NR4A2: variants seen among roughly 807,000 people sequenced by gnomAD.
The protein encoded by NR4A2 is nuclear receptor subfamily 4 group A member 2.
Under a neutral mutation model 50.5 loss-of-function variants are expected in NR4A2, and 1 was observed. The observed-to-expected ratio is 0.02, with a 90% CI of 0.01 to 0.09. The LOEUF (loss-of-function observed/expected upper bound fraction) is 0.09, where lower values mean the gene tolerates loss of function less well. Among genes scored for constraint, NR4A2 ranks in the 10% least tolerant of loss-of-function variants. NR4A2 has a pLI of 1.00. For synonymous variants in NR4A2, 328 were observed against 309.4 expected (o/e 1.06, Z -0.63); for missense variants, 613 against 777.3 (o/e 0.79, Z 2.51).
chr2:156,328,762 C>T lies in NR4A2; in HGVS notation c.865-229G>A, dbSNP rs552104132. Among the ~76,000 whole-genome samples, 1 of 152,230 alleles carries T rather than the reference C, an allele frequency of 6.6e-6. No individual in the cohort carries two copies. Among genetic ancestry groups the T allele is most frequent in the East Asian group, 1.9e-4 (1 of 5,174 alleles). On this transcript the variant is annotated intron_variant, in intron 3 of 7. Coordinates refer to ENST00000339562, the MANE Select transcript of NR4A2 (RefSeq NM_006186.4). The surrounding 1 kb of genome is among the most constrained non-coding windows in gnomAD (Gnocchi z 4.9). ...TTGATAGCGTTAACATTTGAGCTAA[C>T]CTTGCCGCTCCTTGCTGTGTTTTAT...
Position 156,326,429 on chromosome 2 carries a change from C to T in NR4A2, c.1362-101G>A, listed in dbSNP as rs572978565. On this transcript the variant is annotated intron_variant, in intron 6 of 7. Coordinates refer to ENST00000339562, the MANE Select transcript of NR4A2 (RefSeq NM_006186.4). This position sits in a 1 kb window ranked among gnomAD's most constrained non-coding sequence, Gnocchi z 4.2. ...AATAAATGAGGGATTTAAGAGTCAC[C>T]TAATTACTGAAGAGTTAATAAAATG... 9 of 1,123,194 alleles carry T rather than the reference C, an allele frequency of 8.0e-6. No individual in the cohort carries two copies. The East Asian group carries it at 2.2e-4, about 27-fold the overall frequency. The allele number at this position is 1,123,194 out of a possible 1,614,324, so 69.6% of individuals were successfully genotyped here. A position where few individuals can be genotyped will look rare whatever the true frequency, so the allele number is the denominator to read the frequency against.
chr2:156,326,053 G>T lies in NR4A2; in HGVS notation c.1541-53C>A, dbSNP rs1040976510. 4 of 1,613,816 alleles carry T rather than the reference G, an allele frequency of 2.5e-6. No individual in the cohort carries two copies. Among genetic ancestry groups the T allele is most frequent in the Non-Finnish European group, 3.4e-6 (4 of 1,179,838 alleles). On this transcript the variant is annotated intron_variant, in intron 7 of 7. Coordinates refer to ENST00000339562, the MANE Select transcript of NR4A2 (RefSeq NM_006186.4). This position sits in a 1 kb window ranked among gnomAD's most constrained non-coding sequence, Gnocchi z 4.2. The stretch of plus-strand genomic sequence containing the variant: ...GAAGAATGTACAAGACAGTTAGCTA[G>T]TTGGCAAAACCAAGGAGAATCTGTG...
intron 1 of NR4A2, among the ~76,000 whole-genome samples, chr2:156,332,154 A>C (rs1046162927): frequency 2.0e-5 from 3 of 152,112 alleles, no homozygotes; most frequent in African/African-American, 7.2e-5. Context: ...GGCCACAATC[A>C]ATTCCTCACT....
intron 1 of NR4A2, among the ~76,000 whole-genome samples, chr2:156,331,488 T>C (rs1487952911): frequency 1.3e-5 from 2 of 152,184 alleles, no homozygotes; most frequent in East Asian, 1.9e-4. Context: ...AGGAGCTTCT[T>C]AGGTCAATTG....
intron 1 of NR4A2, chr2:156,331,845 A>T (rs1482140147): frequency 2.6e-5 from 4 of 152,356 alleles, no homozygotes; most frequent in African/African-American, 9.7e-5. Context: ...TGTGTTGGAT[A>T]TTAACCCCCT....
rs764433817 is a variant in NR4A2 at position 156,328,374 on chromosome 2, C to T, written c.994+30G>A. ...AGCAGTGGTTTCCTAAAGGCGCAAA[C>T]TGGAGGGTCGGCAGCTCCCCTCAGC... On this transcript the variant is annotated intron_variant, in intron 4 of 7. Transcript: ENST00000339562. The surrounding 1 kb of genome is among the most constrained non-coding windows in gnomAD (Gnocchi z 4.9). 3.7e-6 allele frequency: 6 copies of T among 1,613,946 alleles called. No individual in the cohort carries two copies. The highest frequency in any genetic ancestry group is 5.1e-6 in the Non-Finnish European group (6 of 1,179,958).
chr2:156,326,537 C>T lies in NR4A2; in HGVS notation c.1361+181G>A, dbSNP rs193105809. Among the ~76,000 whole-genome samples the T allele has an allele frequency of 3.3e-5, 5 of 152,326 alleles. No individual in the cohort carries two copies. The East Asian group carries it at 9.6e-4, about 29-fold the overall frequency. ...CCACCTCCATTCCATTCATCCAAGG[C>T]TTCTGGGCTCGCTTCTTCTCGTCTT... On this transcript the variant is annotated intron_variant, in intron 6 of 7. Transcript: ENST00000339562. The surrounding 1 kb of genome is among the most constrained non-coding windows in gnomAD (Gnocchi z 4.2).
At position 156,328,597 on chromosome 2, in the gene NR4A2, G is replaced by T. The variant is rs1686764695; in HGVS notation, c.865-64C>A. 1 of 1,607,892 alleles carries T rather than the reference G, an allele frequency of 6.2e-7. No individual in the cohort carries two copies. The highest frequency in any genetic ancestry group is 8.5e-7 in the Non-Finnish European group (1 of 1,175,508). On this transcript the variant is annotated intron_variant, in intron 3 of 7. Coordinates refer to ENST00000339562, the MANE Select transcript of NR4A2 (RefSeq NM_006186.4). The surrounding 1 kb of genome is among the most constrained non-coding windows in gnomAD (Gnocchi z 4.9). ...TCTTTTGAAAATCAGGCAACTCGGA[G>T]AAAATTTCTGTTATGTGACTGGGGT...
chr2:156,328,119 C>G lies in NR4A2; in HGVS notation c.995-105G>C, dbSNP rs902574234. ...CGCAGCCGCGGGGCACCAGGCTGAG[C>G]GGCTGAGGGCCCCAGTGCTTGTAAA... On this transcript the variant is annotated intron_variant, in intron 4 of 7. Transcript: ENST00000339562. The surrounding 1 kb of genome is among the most constrained non-coding windows in gnomAD (Gnocchi z 4.9). The G allele has an allele frequency of 1.1e-4, 152 of 1,441,512 alleles. No homozygotes were observed. The Admixed American group carries it at 1.5e-3, about 14-fold the overall frequency. 89.3% of individuals were successfully genotyped at this position (1,441,512 alleles called of 1,614,324 possible).
chr2:156,332,452 G>A (rs1686975478), intron 1 of NR4A2, 28 bp downstream of exon 1: 1 of 1,287,128 alleles, frequency 7.8e-7, no homozygotes. Context: ...ATAAAAGAAG[G>A]CGAACTGCAT....
At position 156,325,660 on chromosome 2, in the gene NR4A2, C is replaced by A. The variant is rs573934598; in HGVS notation, c.*84G>T. ...GCAGCTTGAGCTGAGACTGCTCACA[C>A]GGCTATCTCTGCCCATGTGACTTGC... On this transcript the variant is annotated 3_prime_UTR_variant, in exon 8 of 8. Coordinates refer to ENST00000339562, the MANE Select transcript of NR4A2 (RefSeq NM_006186.4). The A allele has an allele frequency of 1.0e-5, 16 of 1,541,564 alleles. No individual in the cohort carries two copies. In the South Asian group the frequency reaches 1.6e-4, roughly 15 times the overall value.
At chr2:156,330,594 G>A in intron 2 of NR4A2, 74 bp downstream of exon 2, 2 of 1,382,272 alleles carry the variant, frequency 1.4e-6, no homozygotes, top group Admixed American at 6.2e-5. Context: ...TTAAGTTACA[G>A]GGTTTGCCTT....
Position 156,329,650 on chromosome 2 carries a change from C to T in NR4A2, c.537G>A (p.Lys179=), listed in dbSNP as rs1318903658. The T allele has an allele frequency of 1.2e-6, 2 of 1,614,008 alleles. No individual in the cohort carries two copies. The highest frequency in any genetic ancestry group is 1.7e-6 in the Non-Finnish European group (2 of 1,179,974). Residue 179 remains lysine, a synonymous_variant, in exon 3 of 8, where the codon AAG becomes AAA. Transcript: ENST00000339562. The surrounding 1 kb of genome is among the most constrained non-coding windows in gnomAD (Gnocchi z 7.5). ...PVSRLSLFSF[K]QSPPGTPVSS... The stretch of plus-strand genomic sequence containing the variant: ...ACACCGGGGTGCCAGGGGGCGATTG[C>T]TTAAAGGAGAAGAGGGAGAGGCGGG...
chr2:156,329,918 A>C lies in NR4A2; in HGVS notation c.269T>G (p.Ile90Ser), dbSNP rs1217288556. Residue 90 changes from isoleucine to serine, a missense_variant, in exon 3 of 8, where the codon ATT becomes AGT. Physicochemically the swap from Ile to Ser is moderately radical, Grantham distance 142. Around this residue, in one of 4 missense-constraint regions of NR4A2, gnomAD observed 275 missense variants for 248.9 expected, o/e 1.10. Coordinates refer to ENST00000339562, the MANE Select transcript of NR4A2 (RefSeq NM_006186.4). The surrounding 1 kb of genome is among the most constrained non-coding windows in gnomAD (Gnocchi z 7.5). ...QMPLSGQQSS[I>S]KVEDIQMHNY... ...GTGCATCTGAATGTCTTCTACCTTA[A>C]TGGAGGACTGCTGTCCGGACAGGGG... 1 of 1,614,152 alleles carries C rather than the reference A, an allele frequency of 6.2e-7. No homozygotes were observed.
rs1053513001 is a variant in NR4A2 at position 156,332,571 on chromosome 2, G to A, written c.-218C>T. 20 of 1,174,654 alleles carry A rather than the reference G, an allele frequency of 1.7e-5. No individual in the cohort carries two copies. Among genetic ancestry groups the A allele is most frequent in the Non-Finnish European group, 2.3e-5 (20 of 885,336 alleles). The allele number at this position is 1,174,654 out of a possible 1,614,324, so 72.8% of individuals were successfully genotyped here. ...CGGGCGCCGGGGTCGGGTAGGGGTG[G>A]GAGAGCTGGGCGAAGGGAACCCGGA... On this transcript the variant is annotated 5_prime_UTR_variant, in exon 1 of 8. Coordinates refer to ENST00000339562, the MANE Select transcript of NR4A2 (RefSeq NM_006186.4).
rs1686950813 is a variant in NR4A2, at chr2:156,332,036, G to A, written c.-127+444C>T. 3 of 161,484 alleles carry A rather than the reference G, an allele frequency of 1.9e-5. No individual in the cohort carries two copies. In the South Asian group the frequency reaches 4.6e-4, roughly 25 times the overall value. The allele number at this position is 161,484 out of a possible 1,614,324, so 10.0% of individuals were successfully genotyped here. A position where few individuals can be genotyped will look rare whatever the true frequency, so the allele number is the denominator to read the frequency against. ...GGGAAACATCGCGCGCTGGCCAGCC[G>A]CGGAGACACAGTTCCCAAGCAACGC... On this transcript the variant is annotated intron_variant, in intron 1 of 7. Coordinates refer to ENST00000339562, the MANE Select transcript of NR4A2 (RefSeq NM_006186.4).
chr2:156,328,637 CACAA>C lies in NR4A2; in HGVS notation c.865-108_865-105del, dbSNP rs776990744. The C allele has an allele frequency of 7.8e-4, 998 of 1,278,868 alleles. 2 individuals carry two copies. Among genetic ancestry groups the C allele is most frequent in the Non-Finnish European group, 9.7e-4 (852 of 880,430 alleles). 79.2% of individuals were successfully genotyped at this position (1,278,868 alleles called of 1,614,324 possible). Reference sequence around the variant, plus strand: ...GTGACTGGGGTCTACGATTCCTCCCCACAAACAAACACATACACACAATTCCATT... The same window carrying C: ...GTGACTGGGGTCTACGATTCCTCCCCACAAACACATACACACAATTCCATT... On this transcript the variant is annotated intron_variant, in intron 3 of 7. Coordinates refer to ENST00000339562, the MANE Select transcript of NR4A2 (RefSeq NM_006186.4). This position sits in a 1 kb window ranked among gnomAD's most constrained non-coding sequence, Gnocchi z 4.9.
At position 156,325,140 on chromosome 2, in the gene NR4A2, TA is replaced by T. The variant is rs1249384060; in HGVS notation, c.*603del. Reference sequence around the variant, plus strand: ...TTTTAGAATTTGTAATATTTATTCATAAATAGGCACAAAATAATTTAAAAAG... The same window carrying T: ...TTTTAGAATTTGTAATATTTATTCATAATAGGCACAAAATAATTTAAAAAG... On this transcript the variant is annotated 3_prime_UTR_variant, in exon 8 of 8. Coordinates refer to ENST00000339562, the MANE Select transcript of NR4A2 (RefSeq NM_006186.4). 6.5e-6 allele frequency: 1 copy of T among 152,940 alleles called. No homozygotes were observed. The highest frequency in any genetic ancestry group is 1.5e-5 in the Non-Finnish European group (1 of 68,258). 9.5% of individuals were successfully genotyped at this position (152,940 alleles called of 1,614,324 possible). A position where few individuals can be genotyped will look rare whatever the true frequency, so the allele number is the denominator to read the frequency against.
In NR4A2 at chr2:156,332,494, C is replaced by A; in HGVS notation, c.-141G>T. The A allele has an allele frequency of 7.8e-7, 1 of 1,289,226 alleles. No homozygotes were observed. Among genetic ancestry groups the A allele is most frequent in the Non-Finnish European group, 1.0e-6 (1 of 988,688 alleles). The allele number at this position is 1,289,226 out of a possible 1,614,324, so 79.9% of individuals were successfully genotyped here. On this transcript the variant is annotated 5_prime_UTR_variant, in exon 1 of 8. Transcript: ENST00000339562. ...CATCTACTCACTTAGGAGTTCTCCG[C>A]GTCTGTCTTCATTCATTCAACTCTG...
Sources: gnomAD v4.1 joint callset for allele counts (sites outside exome capture counted in the v4.1 genomes callset) on GRCh38, gnomAD v4.1.1 for gene constraint, gnomAD v4.1.1 regional missense constraint, Gnocchi (gnomAD v3.1) non-coding constraint, MANE v1.5 for transcripts, NCBI Gene and HGNC (gene_info 2026-07-23, HGNC 2026-07-21) for gene names.